Variants in GUCA1A observed in about 807,000 individuals in gnomAD.
The protein encoded by GUCA1A is guanylyl cyclase-activating protein 1.
GUCA1A carries 14 observed loss-of-function variants against 18.5 expected under a neutral mutation model. The observed-to-expected ratio is 0.76, with a 90% confidence interval of 0.50 to 1.18. The LOEUF is 1.18. GUCA1A is among the 50% of genes most tolerant of loss of function. GUCA1A has a pLI of 0.00. For missense variants in GUCA1A, 264 were observed against 262.4 expected (o/e 1.01, Z -0.04); for synonymous variants, 97 against 100.2 (o/e 0.97, Z 0.19).
chr6:42,176,131 C>A (rs894898577), intron 1 of GUCA1A, among the ~76,000 whole-genome samples: 1 of 152,306 alleles, frequency 6.6e-6, no homozygotes, highest in East Asian at 1.9e-4. Context: ...GTTCCTAGAA[C>A]AGTGCCTGGA....
In GUCA1A at chr6:42,173,627, T is replaced by C. The variant is rs1767867946; in HGVS notation, c.14T>C (p.Met5Thr). MGNVMEGKSVEELSS... is the reference protein window; with the variant it reads MGNVTEGKSVEELSS... ...AAGGCCTGAGCAATGGGCAACGTGA[T>C]GGAGGGAAAGTCAGTGGAGGAGCTG... The change falls in exon 1 of 4, where the codon ATG (methionine) becomes ACG (threonine). Residue 5 changes from methionine to threonine, a missense_variant. Physicochemically the swap from Met to Thr is moderately conservative, Grantham distance 81. Transcript: ENST00000372958. 1 of 1,614,002 alleles carries C rather than the reference T, an allele frequency of 6.2e-7. No individual in the cohort carries two copies. Among genetic ancestry groups the C allele is most frequent in the South Asian group, 1.1e-5 (1 of 91,090 alleles).
Position 42,178,282 on chromosome 6 carries a change from C to G in GUCA1A, c.204C>G (p.Asp68Glu), listed in dbSNP as rs776251040. 6.2e-6 allele frequency: 10 copies of G among 1,613,768 alleles called. No individual in the cohort carries two copies. In the East Asian group the frequency reaches 6.7e-5, roughly 11 times the overall value. Residue 68 changes from aspartate (D) to glutamate (E), a missense_variant and splice_region_variant, in exon 2 of 4, where the codon GAC (aspartate) becomes GAG (glutamate). Asp to Glu is a conservative substitution (Grantham distance 45). Coordinates refer to ENST00000372958, the MANE Select transcript of GUCA1A (RefSeq NM_001384910.1). ...CGGCGGCCGCGCCCCTCGCCCAGGA[C>G]GGCTACATTGATTTCATGGAGTACG... ...QMFETFDFNK[D>E]GYIDFMEYVA...
In GUCA1A at chr6:42,179,393, C is replaced by T. The variant is rs1407663297; in HGVS notation, c.596C>T (p.Ala199Val). The stretch of plus-strand genomic sequence containing the variant: ...GAGGGGGCTGACGAGGCCGCTGAGG[C>T]AGCCGGCTGAGTGCACCGCCCGGCT... Reference protein sequence around the residue: ...DEEGADEAAEAAG With the variant: ...DEEGADEAAEVAG The change falls in exon 4 of 4, where the codon GCA (alanine) becomes GTA (valine). Residue 199 changes from alanine to valine, a missense_variant. Transcript: ENST00000372958. The T allele has an allele frequency of 2.5e-6, 4 of 1,596,518 alleles. No individual in the cohort carries two copies. Among genetic ancestry groups the T allele is most frequent in the African/African-American group, 2.7e-5 (2 of 74,598 alleles).
rs767756887 is a variant in GUCA1A at position 42,178,810 on chromosome 6, C to T, written c.360C>T (p.Arg120=). The change falls in exon 3 of 4, where the codon CGC becomes CGT. Residue 120 remains arginine (R), a synonymous_variant. Transcript: ENST00000372958. ...DELLTIIQAI[R]AINPCSDTTM... The stretch of plus-strand genomic sequence containing the variant: ...CCCTTCTTCCCTCCCAGGCCATTCG[C>T]GCCATTAACCCCTGCAGCGATACCA... 1.9e-6 allele frequency: 3 copies of T among 1,612,240 alleles called. No homozygotes were observed. Among genetic ancestry groups the T allele is most frequent in the Non-Finnish European group, 2.5e-6 (3 of 1,178,306 alleles).
chr6:42,178,457 G>T, intron 2 of GUCA1A, 28 bp downstream of exon 2: 2 of 1,605,020 alleles, frequency 1.2e-6, no homozygotes, highest in Non-Finnish European at 1.7e-6. Flanking sequence ...AGGGCTGGGG[G>T]CAGCGGTCTG....
chr6:42,179,315 G>A lies in GUCA1A; in HGVS notation c.518G>A (p.Ser173Asn), dbSNP rs769405493. ...DQMLLDTLTRSLDLTRIVRRL... is the reference protein window; with the variant it reads ...DQMLLDTLTRNLDLTRIVRRL... ...ATGCTCCTGGACACACTGACACGAA[G>A]CCTGGACCTTACCCGCATCGTGCGC... is the stretch of plus-strand genomic sequence containing the variant. The change falls in exon 4 of 4, where the codon AGC (serine) becomes AAC (asparagine). Residue 173 changes from serine to asparagine, a missense_variant. By Grantham distance (46) the Ser-to-Asn change is conservative (BLOSUM62 1). Coordinates refer to ENST00000372958, the MANE Select transcript of GUCA1A (RefSeq NM_001384910.1). 3.1e-6 allele frequency: 5 copies of A among 1,613,920 alleles called. No individual in the cohort carries two copies. The South Asian group carries it at 5.5e-5, about 18-fold the overall frequency.
chr6:42,178,448 G>T lies in GUCA1A; in HGVS notation c.351+19G>T. 1 of 1,610,822 alleles carries T rather than the reference G, an allele frequency of 6.2e-7. No individual in the cohort carries two copies. The highest frequency in any genetic ancestry group is 8.5e-7 in the Non-Finnish European group (1 of 1,177,686). ...CATCCAGGTGCAGAGGGCCCGGCCA[G>T]GGCTGGGGGCAGCGGTCTGGGGTGG... On this transcript the variant is annotated intron_variant, in intron 2 of 3. Coordinates refer to ENST00000372958, the MANE Select transcript of GUCA1A (RefSeq NM_001384910.1).
rs1300545339 is a variant in GUCA1A, at chr6:42,179,252, C to G, written c.455C>G (p.Ser152Cys). The G allele has an allele frequency of 1.9e-5, 31 of 1,613,068 alleles. No homozygotes were observed. Among genetic ancestry groups the G allele is most frequent in the Non-Finnish European group, 2.6e-5 (31 of 1,179,180 alleles). ...TTTCTCTCTACCCCAGGGGAACTCTCCCTGGAAGAGTTTATAGAGGGCGTC... is the reference window on the plus strand; with the variant it reads ...TTTCTCTCTACCCCAGGGGAACTCTGCCTGGAAGAGTTTATAGAGGGCGTC... ...KIDVNGDGEL[S>C]LEEFIEGVQK... The change falls in exon 4 of 4, where the codon TCC becomes TGC. Residue 152 changes from serine to cysteine, a missense_variant. Physicochemically the swap from Ser to Cys is moderately radical, Grantham distance 112. Coordinates refer to ENST00000372958, the MANE Select transcript of GUCA1A (RefSeq NM_001384910.1).
chr6:42,175,748 A>G (rs1476052679), intron 1 of GUCA1A, among the ~76,000 whole-genome samples: 1 of 152,028 alleles, frequency 6.6e-6, no homozygotes, highest in African/African-American at 2.4e-5. Context: ...AAAGTAAATC[A>G]ACCCCTTGTT....
chr6:42,178,714 GCC>G, intron 2 of GUCA1A, 86 bp from the exon 3 acceptor site: 11 of 1,068,430 alleles, frequency 1.0e-5, no homozygotes, highest in Non-Finnish European at 1.6e-5. Context: ...GCTCTTGGGA[GCC>G]GGACAAGCTC....
chr6:42,174,079 T>C (rs1767888084), intron 1 of GUCA1A, among the ~76,000 whole-genome samples: 1 of 152,198 alleles, frequency 6.6e-6, no homozygotes, highest in African/African-American at 2.4e-5. Context: ...CTGCCCTCAC[T>C]TTCTAGGGCA....
rs1429778622 is a variant in GUCA1A, at chr6:42,178,391, G to C, written c.313G>C (p.Gly105Arg). The change falls in exon 2 of 4, where the codon GGC (glycine) becomes CGC (arginine). Residue 105 changes from glycine to arginine, a missense_variant. Coordinates refer to ENST00000372958, the MANE Select transcript of GUCA1A (RefSeq NM_001384910.1). ...CAAGCTCTATGATGTAGATGGCAAC[G>C]GCTGCATTGACCGCGATGAGCTGCT... The part of the protein sequence containing the change: ...YFKLYDVDGN[G>R]CIDRDELLTI... 6.2e-7 allele frequency: 1 copy of C among 1,614,020 alleles called. No individual in the cohort carries two copies. The highest frequency in any genetic ancestry group is 1.7e-5 in the Admixed American group (1 of 60,020).
At chr6:42,178,587 C>G in intron 2 of GUCA1A, 158 bp downstream of exon 2, 1 of 825,392 alleles carries the variant, frequency 1.2e-6, no homozygotes, top group Non-Finnish European at 2.1e-6. Flanking sequence ...ACCCAGGCCA[C>G]GTTCCTTCCC....
chr6:42,178,573 C>A (rs746418595), intron 2 of GUCA1A, 144 bp downstream of exon 2: 1 of 873,118 alleles, frequency 1.1e-6, no homozygotes, highest in East Asian at 2.5e-5. Flanking sequence ...TCACCAGCTG[C>A]GTGACCCAGG....
chr6:42,176,235 A>G (rs79269306), intron 1 of GUCA1A, among the ~76,000 whole-genome samples: 13,197 of 152,170 alleles, frequency 0.087, 640 homozygotes, highest in Middle Eastern at 0.18. Flanking sequence ...ATATACATCA[A>G]TTTAACTCTG....
chr6:42,174,694 G>A (rs1767902773), intron 1 of GUCA1A, among the ~76,000 whole-genome samples: 1 of 152,186 alleles, frequency 6.6e-6, no homozygotes, highest in Non-Finnish European at 1.5e-5. Flanking sequence ...CATTAGTTAA[G>A]ATGTTTGTTG....
chr6:42,177,706 T>C (rs1188547951), intron 1 of GUCA1A, among the ~76,000 whole-genome samples: 1 of 152,210 alleles, frequency 6.6e-6, no homozygotes. Flanking sequence ...CTGTGCTGTC[T>C]AGGGGCCTCT....
At chr6:42,179,012 C>T in intron 3 of GUCA1A, 117 bp downstream of exon 3, 1 of 946,272 alleles carries the variant, frequency 1.1e-6, no homozygotes, top group Non-Finnish European at 1.7e-6. Context: ...CAAAGGCCCC[C>T]GTGCTGGTCA....
rs1302715606 is a variant in GUCA1A, at chr6:42,173,547, C to A, written c.-67C>A. On this transcript the variant is annotated 5_prime_UTR_variant, in exon 1 of 4. Transcript: ENST00000372958. ...GACGGCCCCGTTGTCGGCCAAGACA[C>A]CTTTGGGCGAGGAGCAGCGAACAGG... 1.5e-6 allele frequency: 2 copies of A among 1,347,062 alleles called. No homozygotes were observed. Among genetic ancestry groups the A allele is most frequent in the Non-Finnish European group, 2.1e-6 (2 of 939,538 alleles). 83.4% of individuals were successfully genotyped at this position (1,347,062 alleles called of 1,614,324 possible).
Sources: allele counts gnomAD v4.1 joint callset (sites outside exome capture counted in the v4.1 genomes callset), GRCh38; gene constraint gnomAD v4.1.1; transcripts MANE v1.5; gene names NCBI Gene and HGNC (gene_info 2026-07-23, HGNC 2026-07-21).